USP13: variants seen among roughly 807,000 people sequenced by gnomAD.
USP13 encodes ubiquitin specific peptidase 13, also known as ubiquitin carboxyl-terminal hydrolase 13.
Under a neutral mutation model 107.8 loss-of-function variants are expected in USP13, and 68 were observed. The ratio of observed to expected loss-of-function variants is 0.63; its 90% CI spans 0.52 to 0.77. The LOEUF is 0.77. USP13 is among the 30% of genes least tolerant of loss of function. USP13 has a pLI of 0.00. For missense variants in USP13, 945 were observed against 1,093.3 expected (o/e 0.86, Z 1.91); for synonymous variants, 377 against 389.5 (o/e 0.97, Z 0.38).
intron 1 of USP13, among the ~76,000 whole-genome samples, chr3:179,655,972 G>C (rs1720247573): frequency 6.6e-6 from 1 of 152,158 alleles, no homozygotes; most frequent in African/African-American, 2.4e-5. Flanking sequence ...AAATCCATTG[G>C]TGCTAAACAC....
intron 10 of USP13, among the ~76,000 whole-genome samples, chr3:179,732,878 G>A (rs993618345): frequency 6.6e-6 from 1 of 152,182 alleles, no homozygotes; most frequent in African/African-American, 2.4e-5. Flanking sequence ...CATCTCCAGG[G>A]TCTGAGGCTT....
At chr3:179,719,839 A>G in intron 6 of USP13, 101 bp from the exon 7 acceptor site, 2 of 883,294 alleles carry the variant, frequency 2.3e-6, no homozygotes, top group Non-Finnish European at 3.4e-6. Context: ...GTTCAGTGAT[A>G]TAGCCCAAGC....
In USP13 at chr3:179,742,299, G is replaced by A. The variant is rs114235967; in HGVS notation, c.1483G>A (p.Val495Met). ...QTRKVRYTERVDYLMQLPVAM... is the reference protein window; with the variant it reads ...QTRKVRYTERMDYLMQLPVAM... ...CCGGAAAGTCCGCTACACGGAGAGG[G>A]TGGATTACCTGATGCAGTTACCTGT... The change falls in exon 12 of 21, where the codon GTG becomes ATG. Residue 495 changes from valine to methionine, a missense_variant. Physicochemically the swap from Val to Met is conservative, Grantham distance 21. Transcript: ENST00000263966. The surrounding 1 kb of genome is among the most constrained non-coding windows in gnomAD (Gnocchi z 5.0). The A allele has an allele frequency of 1.9e-4, 307 of 1,614,220 alleles. No homozygotes were observed. The African/African-American group carries it at 3.7e-3, about 19-fold the overall frequency.
intron 3 of USP13, among the ~76,000 whole-genome samples, chr3:179,697,826 A>T (rs1712377586): frequency 6.6e-6 from 1 of 152,104 alleles, no homozygotes; most frequent in Admixed American, 6.5e-5. Flanking sequence ...CCTAATTTGG[A>T]TTAAGTTTTT....
chr3:179,748,489 A>G (rs1714488198), intron 13 of USP13, among the ~76,000 whole-genome samples: 1 of 152,178 alleles, frequency 6.6e-6, no homozygotes, highest in Non-Finnish European at 1.5e-5. Context: ...GACCAGGAAG[A>G]GGCAAAAAAT....
At position 179,742,776 on chromosome 3, in the gene USP13, T is replaced by C. The variant is rs1017229478; in HGVS notation, c.1534+426T>C. 6.6e-6 allele frequency among the ~76,000 whole-genome samples: 1 copy of C among 152,200 alleles called. No homozygotes were observed. The highest frequency in any genetic ancestry group is 2.1e-4 in the South Asian group (1 of 4,830). ...GAGGTCTCTTGAAATAATCCAGCTTTGGCACATGAGTATTTGAGCCACCTC... is the reference window on the plus strand; with the variant it reads ...GAGGTCTCTTGAAATAATCCAGCTTCGGCACATGAGTATTTGAGCCACCTC... On this transcript the variant is annotated intron_variant, in intron 12 of 20. Transcript: ENST00000263966. The surrounding 1 kb of genome is among the most constrained non-coding windows in gnomAD (Gnocchi z 5.0).
intron 16 of USP13, 108 bp from the exon 17 acceptor site, chr3:179,761,004 A>T: frequency 7.3e-7 from 1 of 1,364,862 alleles, no homozygotes; most frequent in Non-Finnish European, 1.0e-6. Context: ...TACACCCAAC[A>T]GAATAGCACT....
At chr3:179,697,888 A>T (rs1009626322) in intron 3 of USP13, among the ~76,000 whole-genome samples, 3 of 152,182 alleles carry the variant, frequency 2.0e-5, no homozygotes, top group Non-Finnish European at 2.9e-5. Context: ...GTAAAAGTAA[A>T]CTTAAACTAA....
intron 3 of USP13, among the ~76,000 whole-genome samples, chr3:179,697,378 T>C (rs1490647501): frequency 6.6e-6 from 1 of 152,204 alleles, no homozygotes; most frequent in Non-Finnish European, 1.5e-5. Flanking sequence ...TTAAAGTTAA[T>C]ATGGTCAGGG....
chr3:179,717,883 T>A (rs1386069884), intron 6 of USP13, among the ~76,000 whole-genome samples: 1 of 152,200 alleles, frequency 6.6e-6, no homozygotes, highest in Non-Finnish European at 1.5e-5. Context: ...AGGGTTGCTA[T>A]CCACAGTTAT....
At chr3:179,699,488 G>T (rs1712432802) in intron 3 of USP13, among the ~76,000 whole-genome samples, 3 of 151,984 alleles carry the variant, frequency 2.0e-5, no homozygotes, top group Non-Finnish European at 4.4e-5. Context: ...GAGGTGGGGG[G>T]ATTGCTTGAG....
intron 1 of USP13, among the ~76,000 whole-genome samples, chr3:179,662,192 T>A (rs1349471661): frequency 6.7e-6 from 1 of 150,332 alleles, no homozygotes; most frequent in Admixed American, 6.6e-5. Context: ...GTGCCTCTAT[T>A]CTTAACTAAG....
chr3:179,780,175 T>C (rs1373408060), intron 19 of USP13, among the ~76,000 whole-genome samples: 1 of 152,210 alleles, frequency 6.6e-6, no homozygotes, highest in Non-Finnish European at 1.5e-5. Flanking sequence ...AGGAAGAAGA[T>C]AAGGATGCCC....
At chr3:179,748,352 G>C (rs1484295443) in intron 13 of USP13, among the ~76,000 whole-genome samples, 1 of 152,150 alleles carries the variant, frequency 6.6e-6, no homozygotes, top group Non-Finnish European at 1.5e-5. Flanking sequence ...TATTAGTTTT[G>C]AGAAAACCAG....
At chr3:179,692,418 T>C (rs1426607505) in intron 3 of USP13, among the ~76,000 whole-genome samples, 2 of 152,250 alleles carry the variant, frequency 1.3e-5, no homozygotes, top group Non-Finnish European at 2.9e-5. Context: ...TGCTTTTCTG[T>C]ACGAGGCTTA....
rs77083687 is a variant in USP13, at chr3:179,690,298, T to A, written c.352T>A (p.Leu118Ile). The A allele has an allele frequency of 2.9e-4, 472 of 1,613,992 alleles. 5 individuals are homozygous for A. The East Asian group carries it at 8.9e-3, about 30-fold the overall frequency. The change falls in exon 3 of 21, where the codon TTA becomes ATA. Residue 118 changes from leucine to isoleucine, a missense_variant. By Grantham distance (5) the Leu-to-Ile change is conservative. Coordinates refer to ENST00000263966, the MANE Select transcript of USP13 (RefSeq NM_003940.3). ...LPKRRNSKIF[L>I]DLDTDDDLNS... ...AAAAAGGAGGAATTCCAAGATTTTTTTAGGTAAATAGTTATCAGTAGCATG... is the reference window on the plus strand; with the variant it reads ...AAAAAGGAGGAATTCCAAGATTTTTATAGGTAAATAGTTATCAGTAGCATG...
chr3:179,772,256 G>A (rs1017008120), intron 19 of USP13, among the ~76,000 whole-genome samples: 2 of 152,140 alleles, frequency 1.3e-5, no homozygotes, highest in African/African-American at 4.8e-5. Context: ...CTGACCTATC[G>A]GGGCTTCTGC....
chr3:179,726,009 G>A (rs560505396), intron 8 of USP13, among the ~76,000 whole-genome samples: 68 of 152,216 alleles, frequency 4.5e-4, no homozygotes, highest in African/African-American at 1.6e-3. Context: ...ATTTGGGTGG[G>A]GACACAGCCA....
At chr3:179,775,645 C>G (rs1715505295) in intron 19 of USP13, among the ~76,000 whole-genome samples, 1 of 152,184 alleles carries the variant, frequency 6.6e-6, no homozygotes, top group Admixed American at 6.5e-5. Context: ...GGCTGCAGGT[C>G]CCAAGGCCTG....
Sources: gnomAD v4.1 joint callset for allele counts (sites outside exome capture counted in the v4.1 genomes callset) on GRCh38, gnomAD v4.1.1 for gene constraint, Gnocchi (gnomAD v3.1) non-coding constraint, MANE v1.5 for transcripts, NCBI Gene and HGNC (gene_info 2026-07-23, HGNC 2026-07-21) for gene names.